The following FSIP1 variants were observed in gnomAD, a reference collection of about 807,000 sequenced individuals.
FSIP1 encodes fibrous sheath-interacting protein 1.
A neutral mutation model predicts 60.9 loss-of-function variants in FSIP1; 65 were observed. That is an observed-to-expected ratio of 1.07 (90% CI 0.87 to 1.31). FSIP1 has a LOEUF of 1.31. FSIP1 is among the 40% of genes most tolerant of loss of function. The pLI, the probability that FSIP1 is intolerant of heterozygous loss-of-function variation, is 0.00. For missense variants in FSIP1, 675 were observed against 665.5 expected, an observed-to-expected ratio of 1.01 and a Z score of -0.16; for synonymous variants, 209 against 221.2, an observed-to-expected ratio of 0.94 and a Z score of 0.49.
chr15:39,759,253 TA>T (rs1208093005), intron 5 of FSIP1, among the ~76,000 whole-genome samples: 1 of 151,968 alleles, frequency 6.6e-6, no homozygotes, highest in Non-Finnish European at 1.5e-5. Context: ...TCCTTAATAT[TA>T]AAAAAGTCTT....
intron 10 of FSIP1, among the ~76,000 whole-genome samples, chr15:39,627,568 G>T (rs2412411): frequency 0.12 from 18,802 of 151,654 alleles, 1,387 homozygotes; most frequent in East Asian, 0.21. Context: ...CCACATGGCA[G>T]CTCTCTGCAT....
At chr15:39,738,373 CCATTCTCTAATATCCAAAG>C (rs1896690702) in intron 7 of FSIP1, among the ~76,000 whole-genome samples, 172 bp from the exon 8 acceptor site, 3 of 150,102 alleles carry the variant, frequency 2.0e-5, no homozygotes, top group African/African-American at 7.6e-5. Flanking sequence ...TTATATAGGG[CCATTCTCTAATATCCAAAG>C]ATATTATCCC....
intron 5 of FSIP1, among the ~76,000 whole-genome samples, chr15:39,743,195 T>C (rs1027164639): frequency 1.3e-5 from 2 of 152,176 alleles, no homozygotes; most frequent in South Asian, 2.1e-4. Context: ...AAATTTACAA[T>C]ATGGAAAACC....
chr15:39,708,695 T>C (rs1895376800), intron 10 of FSIP1, among the ~76,000 whole-genome samples: 1 of 152,192 alleles, frequency 6.6e-6, no homozygotes, highest in Admixed American at 6.5e-5. Context: ...TTTACATCTC[T>C]TCCTCATCTT....
chr15:39,655,963 C>A (rs1051678298), intron 10 of FSIP1, among the ~76,000 whole-genome samples: 2 of 152,022 alleles, frequency 1.3e-5, no homozygotes, highest in Admixed American at 1.3e-4. Context: ...AGGAAGAATT[C>A]AATATAGAAT....
At chr15:39,725,362 G>A (rs1896148367) in intron 9 of FSIP1, among the ~76,000 whole-genome samples, 1 of 152,206 alleles carries the variant, frequency 6.6e-6, no homozygotes, top group Non-Finnish European at 1.5e-5. Context: ...CACCACTACT[G>A]CTGTTTAAAG....
At chr15:39,751,931 T>A (rs555856114) in intron 5 of FSIP1, among the ~76,000 whole-genome samples, 218 of 152,106 alleles carry the variant, frequency 1.4e-3, no homozygotes, top group African/African-American at 4.9e-3. Context: ...ATGTATCTCA[T>A]ATCATGTTGT....
intron 10 of FSIP1, among the ~76,000 whole-genome samples, chr15:39,654,433 C>T (rs974907115): frequency 6.6e-6 from 1 of 152,100 alleles, no homozygotes; most frequent in African/African-American, 2.4e-5. Flanking sequence ...ATGGGACCAC[C>T]GTCGTATATG....
chr15:39,751,425 AC>A (rs1595693524), intron 5 of FSIP1, among the ~76,000 whole-genome samples: 2 of 143,458 alleles, frequency 1.4e-5, no homozygotes, highest in East Asian at 2.2e-4. Flanking sequence ...ATAAACACAC[AC>A]ACACACACAC....
chr15:39,665,449 C>A (rs530972840), intron 10 of FSIP1, among the ~76,000 whole-genome samples: 6 of 152,096 alleles, frequency 3.9e-5, no homozygotes, highest in Non-Finnish European at 4.4e-5. Context: ...CAAAATATTA[C>A]TTTTCTTTAC....
chr15:39,696,701 A>G (rs1396831850), intron 10 of FSIP1, among the ~76,000 whole-genome samples: 1 of 152,216 alleles, frequency 6.6e-6, no homozygotes, highest in Non-Finnish European at 1.5e-5. Context: ...GGCCTCATTC[A>G]ATAGACACAC....
intron 5 of FSIP1, among the ~76,000 whole-genome samples, chr15:39,742,190 T>A (rs943933597): frequency 6.6e-5 from 10 of 152,168 alleles, no homozygotes; most frequent in African/African-American, 2.4e-4. Context: ...AATAACACAT[T>A]AACTCTCCAG....
At chr15:39,649,051 C>T (rs1378520417) in intron 10 of FSIP1, among the ~76,000 whole-genome samples, 1 of 151,942 alleles carries the variant, frequency 6.6e-6, no homozygotes, top group Non-Finnish European at 1.5e-5. Context: ...ACTAAGCAAA[C>T]GGAAACAACC....
Position 39,736,015 on chromosome 15 carries a change from G to A in FSIP1, c.891+2076C>T, listed in dbSNP as rs368055344. Among the ~76,000 whole-genome samples the A allele has an allele frequency of 9.9e-5, 15 of 152,272 alleles. No homozygotes were observed. In the East Asian group the frequency reaches 1.9e-3, roughly 20 times the overall value. ...GCCTGCTTCTGAAATTCTTCCTGAT[G>A]GACCTGCCTGAAGCTGTCTTACAAT... On this transcript the variant is annotated intron_variant, in intron 8 of 11. Coordinates refer to ENST00000350221, the MANE Select transcript of FSIP1 (RefSeq NM_152597.5).
chr15:39,629,509 C>T (rs1259655113), intron 10 of FSIP1, among the ~76,000 whole-genome samples: 1 of 152,182 alleles, frequency 6.6e-6, no homozygotes, highest in African/African-American at 2.4e-5. Context: ...CACAGGGGCA[C>T]GTGCCCCATT....
At chr15:39,771,648 C>G (rs1038739613) in intron 2 of FSIP1, among the ~76,000 whole-genome samples, 2 of 152,150 alleles carry the variant, frequency 1.3e-5, no homozygotes, top group Non-Finnish European at 2.9e-5. Flanking sequence ...CACAATGACC[C>G]TATGGTGTAA....
At chr15:39,669,691 A>G (rs1389834630) in intron 10 of FSIP1, among the ~76,000 whole-genome samples, 3 of 152,242 alleles carry the variant, frequency 2.0e-5, no homozygotes, top group Admixed American at 6.5e-5. Context: ...GAGGCTAAAA[A>G]TTAAAGGATA....
chr15:39,676,927 A>C (rs1385118428), intron 10 of FSIP1, among the ~76,000 whole-genome samples: 1 of 152,234 alleles, frequency 6.6e-6, no homozygotes, highest in African/African-American at 2.4e-5. Context: ...GATAAAGAAC[A>C]AAATAGTGGT....
Position 39,776,426 on chromosome 15 carries a change from C to T in FSIP1, c.99G>A (p.Val33=), listed in dbSNP as rs183248261. 1.1e-5 allele frequency: 17 copies of T among 1,613,616 alleles called. No individual in the cohort carries two copies. In the African/African-American group the frequency reaches 2.0e-4, roughly 19 times the overall value. The part of the protein sequence containing the change: ...GSRSSNASLE[V]LSTEPGSFKV... The stretch of plus-strand genomic sequence containing the variant: ...TGAAGGATCCTGGTTCTGTTGAGAG[C>T]ACCTCCAAAGAAGCATTTGAACTTC... The change falls in exon 2 of 12, where the codon GTG becomes GTA. Residue 33 remains valine, a synonymous_variant. Coordinates refer to ENST00000350221, the MANE Select transcript of FSIP1 (RefSeq NM_152597.5).
Sources: allele counts gnomAD v4.1 joint callset (sites outside exome capture counted in the v4.1 genomes callset), GRCh38; gene constraint gnomAD v4.1.1; transcripts MANE v1.5; gene names NCBI Gene and HGNC (gene_info 2026-07-23, HGNC 2026-07-21).